LSM7: variants seen among roughly 807,000 people sequenced by gnomAD.
LSM7 encodes U6 snRNA-associated Sm-like protein LSm7.
LSM7 carries 13 observed loss-of-function variants against 14.1 expected under a neutral mutation model. The observed-to-expected ratio is 0.92, with a 90% CI of 0.60 to 1.47. The LOEUF (loss-of-function observed/expected upper bound fraction) is 1.47. Ranked by LOEUF, LSM7 falls within the 40% of genes most tolerant of loss-of-function variation. The pLI is 0.00. For synonymous variants in LSM7, 70 were observed against 57.1 expected (o/e 1.23, Z -1.02); for missense variants, 108 against 140.8 (o/e 0.77, Z 1.18).
chr19:2,323,989 T>G, intron 3 of LSM7, 136 bp downstream of exon 3: 1 of 768,918 alleles, frequency 1.3e-6, no homozygotes, highest in East Asian at 2.7e-5. Flanking sequence ...AGAGGTTTTG[T>G]GGGTTTGAGA....
At chr19:2,324,384 C>T (rs1241720756) in intron 2 of LSM7, 188 bp from the exon 3 acceptor site, 7 of 594,722 alleles carry the variant, frequency 1.2e-5, no homozygotes, top group East Asian at 2.8e-5. Context: ...GGCAGCAGAC[C>T]ACGTCTGCGG....
chr19:2,323,502 G>A (rs1967965236), intron 3 of LSM7, among the ~76,000 whole-genome samples: 2 of 152,190 alleles, frequency 1.3e-5, no homozygotes, highest in African/African-American at 2.4e-5. Context: ...TCAGGCTGGA[G>A]TGCAGTTGCA....
At chr19:2,323,717 G>A (rs563883024) in intron 3 of LSM7, among the ~76,000 whole-genome samples, 3 of 152,160 alleles carry the variant, frequency 2.0e-5, no homozygotes, top group Admixed American at 2.0e-4. Flanking sequence ...CTCCCAAAGC[G>A]CTGGGATTAT....
At chr19:2,323,607 C>T (rs1305723275) in intron 3 of LSM7, among the ~76,000 whole-genome samples, 2 of 152,154 alleles carry the variant, frequency 1.3e-5, no homozygotes, top group Non-Finnish European at 2.9e-5. Flanking sequence ...TGCGCCACCA[C>T]ACCCAGCAAT....
At chr19:2,322,504 G>A (rs574032251) in intron 3 of LSM7, among the ~76,000 whole-genome samples, 119 of 152,290 alleles carry the variant, frequency 7.8e-4, no homozygotes, top group Middle Eastern at 3.4e-3. Flanking sequence ...TCGCGCCACT[G>A]CACTCCAGCC....
At chr19:2,323,891 T>C (rs1450370556) in intron 3 of LSM7, among the ~76,000 whole-genome samples, 5 of 152,242 alleles carry the variant, frequency 3.3e-5, no homozygotes, top group African/African-American at 7.2e-5. Flanking sequence ...CCCACAACAA[T>C]GGGGTTTCCT....
chr19:2,325,823 T>C (rs771809928), intron 2 of LSM7, among the ~76,000 whole-genome samples: 39 of 152,278 alleles, frequency 2.6e-4, no homozygotes, highest in Non-Finnish European at 5.0e-4. Flanking sequence ...AGAGACCATC[T>C]GGGCTGCAAA....
intron 2 of LSM7, among the ~76,000 whole-genome samples, chr19:2,327,365 C>T (rs561112800): frequency 1.3e-5 from 2 of 152,266 alleles, no homozygotes; most frequent in South Asian, 4.2e-4. Flanking sequence ...GCCTCAGCCC[C>T]CCGAGTAGCT....
intron 2 of LSM7, among the ~76,000 whole-genome samples, chr19:2,326,312 T>TTGTGTG (rs145468909): frequency 0.13 from 16,356 of 129,342 alleles, 1,025 homozygotes; most frequent in East Asian, 0.16. Flanking sequence ...TTTCTGCTTT[T>TTGTGTG]TGTGTGTGTG....
chr19:2,326,924 C>T (rs1016297556), intron 2 of LSM7, among the ~76,000 whole-genome samples: 2 of 152,248 alleles, frequency 1.3e-5, no homozygotes, highest in South Asian at 4.1e-4. Context: ...CCCTAGCCAA[C>T]ACTGGCCAGA....
At position 2,321,659 on chromosome 19, in the gene LSM7, C is replaced by A. The variant is rs759733510; in HGVS notation, c.*21G>T. ...CCGAGCTGCTCGGGCCTGCCCTGCA[C>A]CCCCCGCGCCCCCGGCCAGGCTAGG... is the stretch of plus-strand genomic sequence containing the variant. On this transcript the variant is annotated 3_prime_UTR_variant, in exon 4 of 4. Transcript: ENST00000252622. This position sits in a 1 kb window ranked among gnomAD's most constrained non-coding sequence, Gnocchi z 5.0. 2.5e-5 allele frequency: 37 copies of A among 1,470,834 alleles called. No individual in the cohort carries two copies. The highest frequency in any genetic ancestry group is 1.4e-5 in the African/African-American group (1 of 70,464). 91.1% of individuals were successfully genotyped at this position (1,470,834 alleles called of 1,614,324 possible). A position where few individuals can be genotyped will look rare whatever the true frequency, so the allele number is the denominator to read the frequency against.
At position 2,321,940 on chromosome 19, in the gene LSM7, G is replaced by C. The variant is rs77028998; in HGVS notation, c.170-118C>G. 1.6e-5 allele frequency: 15 copies of C among 961,826 alleles called. No homozygotes were observed. In the East Asian group the frequency reaches 5.0e-4, roughly 32 times the overall value. 59.6% of individuals were successfully genotyped at this position (961,826 alleles called of 1,614,324 possible). A position where few individuals can be genotyped will look rare whatever the true frequency, so the allele number is the denominator to read the frequency against. On this transcript the variant is annotated intron_variant, in intron 3 of 3. Transcript: ENST00000252622. The surrounding 1 kb of genome is among the most constrained non-coding windows in gnomAD (Gnocchi z 5.0). ...TGCACCCTGCAGGCGCCACGAGCAC[G>C]CAGGGACCTCAGACGGGATGCGCTC... is the stretch of plus-strand genomic sequence containing the variant.
At chr19:2,324,518 GTCAGCTCT>G (rs1967985406) in intron 2 of LSM7, 1 of 401,052 alleles carries the variant, frequency 2.5e-6, no homozygotes, top group Non-Finnish European at 4.6e-6. Context: ...ACTGCGGCCG[GTCAGCTCT>G]ACTCACAGGC....
intron 3 of LSM7, among the ~76,000 whole-genome samples, chr19:2,322,625 A>G (rs1443911479): frequency 1.3e-5 from 2 of 152,166 alleles, no homozygotes; most frequent in African/African-American, 4.8e-5. Context: ...CAAGCCCAAG[A>G]CAAGCTCTCA....
At chr19:2,326,968 G>A (rs954825977) in intron 2 of LSM7, among the ~76,000 whole-genome samples, 3 of 152,196 alleles carry the variant, frequency 2.0e-5, no homozygotes, top group Admixed American at 6.5e-5. Flanking sequence ...GTAAGGCACT[G>A]AGCTCTGTCA....
chr19:2,328,541 A>G lies in LSM7; in HGVS notation c.6+20T>C, dbSNP rs770881884. 95 of 1,602,240 alleles carry G rather than the reference A, an allele frequency of 5.9e-5. No individual in the cohort carries two copies. The highest frequency in any genetic ancestry group is 7.9e-5 in the Non-Finnish European group (93 of 1,175,232). ...CCCGAGCTCCACGCCCCCCGGCTCC[A>G]GATTCCGCCGCGCGCTCACCGCCAT... On this transcript the variant is annotated intron_variant, in intron 1 of 3. Coordinates refer to ENST00000252622, the MANE Select transcript of LSM7 (RefSeq NM_016199.3).
chr19:2,324,283 G>A, intron 2 of LSM7, 87 bp from the exon 3 acceptor site: 1 of 1,034,410 alleles, frequency 9.7e-7, no homozygotes, highest in Non-Finnish European at 1.5e-6. Context: ...CCAGGTATGG[G>A]GCTAACTGCT....
In LSM7 at chr19:2,323,185, G is replaced by A. The variant is rs866438851; in HGVS notation, c.169+940C>T. ...CTGAGGACTTGGCGGCCTCACTGGGGAGGGGAGCGAGCGGGGGCAGGGAAA... is the reference window on the plus strand; with the variant it reads ...CTGAGGACTTGGCGGCCTCACTGGGAAGGGGAGCGAGCGGGGGCAGGGAAA... On this transcript the variant is annotated intron_variant, in intron 3 of 3. Coordinates refer to ENST00000252622, the MANE Select transcript of LSM7 (RefSeq NM_016199.3). Among the ~76,000 whole-genome samples, 4 of 152,328 alleles carry A rather than the reference G, an allele frequency of 2.6e-5. No homozygotes were observed. In the South Asian group the frequency reaches 8.3e-4, roughly 32 times the overall value.
intron 2 of LSM7, among the ~76,000 whole-genome samples, chr19:2,327,673 A>T (rs1968059940): frequency 2.0e-5 from 3 of 152,134 alleles, no homozygotes; most frequent in African/African-American, 7.2e-5. Context: ...AATTGCTGGG[A>T]TTACACACGT....
Sources: allele counts gnomAD v4.1 joint callset (sites outside exome capture counted in the v4.1 genomes callset), GRCh38; gene constraint gnomAD v4.1.1; non-coding constraint Gnocchi (gnomAD v3.1); transcripts MANE v1.5; gene names NCBI Gene and HGNC (gene_info 2026-07-23, HGNC 2026-07-21).